PLCL1: variants seen among roughly 807,000 people sequenced by gnomAD.
PLCL1 encodes the protein inactive phospholipase C-like protein 1.
In PLCL1, 41 loss-of-function variants were observed where a neutral mutation model predicts 84.4. The observed-to-expected ratio is 0.49, with a 90% CI of 0.38 to 0.63. The LOEUF (loss-of-function observed/expected upper bound fraction) is 0.63, where lower values mean the gene tolerates loss of function less well. Among genes scored for constraint, PLCL1 ranks in the 30% least tolerant of loss-of-function variants. The probability of loss-of-function intolerance (pLI) is 0.00; values close to 1 mark genes in which losing one functional copy is unlikely to be tolerated. For synonymous variants in PLCL1, 490 were observed against 488.3 expected, an observed-to-expected ratio of 1.00 and a Z score of -0.05; for missense variants, 1,206 against 1,367.8, an observed-to-expected ratio of 0.88 and a Z score of 1.87.
At chr2:197,850,674 ATTG>A (rs747959744) in intron 1 of PLCL1, among the ~76,000 whole-genome samples, 8 of 152,066 alleles carry the variant, frequency 5.3e-5, no homozygotes, top group Non-Finnish European at 1.2e-4. Flanking sequence ...GACAGGTTAT[ATTG>A]TCTGTACAAC....
At chr2:198,008,563 A>G (rs1383444627) in intron 1 of PLCL1, among the ~76,000 whole-genome samples, 1 of 151,402 alleles carries the variant, frequency 6.6e-6, no homozygotes, top group Non-Finnish European at 1.5e-5. Flanking sequence ...GCTGCATAAT[A>G]TCCCATTGTA....
rs1363290242 is a variant in PLCL1, at chr2:197,964,321, G to A, written c.241-119437G>A. On this transcript the variant is annotated intron_variant, in intron 1 of 5. Coordinates refer to ENST00000428675, the MANE Select transcript of PLCL1 (RefSeq NM_006226.4). ...ATTGTAGAGATCTTTCAGTTTTTTG[G>A]TTAATTCCTGGGTATTTTATTTTAT... Among the ~76,000 whole-genome samples, 6 of 151,782 alleles carry A rather than the reference G, an allele frequency of 4.0e-5. No individual in the cohort carries two copies. The East Asian group carries it at 1.2e-3, about 29-fold the overall frequency.
chr2:198,051,455 A>G (rs1177418362), intron 1 of PLCL1, among the ~76,000 whole-genome samples: 1 of 152,194 alleles, frequency 6.6e-6, no homozygotes, highest in East Asian at 1.9e-4. Context: ...GTATTAGAAG[A>G]AAATTAGACA....
intron 5 of PLCL1, among the ~76,000 whole-genome samples, chr2:198,120,206 G>A (rs1298834103): frequency 1.3e-5 from 2 of 151,870 alleles, no homozygotes; most frequent in Non-Finnish European, 2.9e-5. Flanking sequence ...GGGTACATAG[G>A]TGTATATATT....
chr2:198,058,983 G>A (rs1559089161), intron 1 of PLCL1, among the ~76,000 whole-genome samples: 1 of 152,162 alleles, frequency 6.6e-6, no homozygotes, highest in South Asian at 2.1e-4. Context: ...ACATCTTACT[G>A]TGGGTGTCAT....
intron 1 of PLCL1, among the ~76,000 whole-genome samples, chr2:198,079,426 A>G (rs1330610521): frequency 6.6e-6 from 1 of 152,014 alleles, no homozygotes; most frequent in African/African-American, 2.4e-5. Context: ...TTAAAAAGAC[A>G]TTTGGCCATT....
chr2:198,081,976 A>G (rs774487156), intron 1 of PLCL1, among the ~76,000 whole-genome samples: 4 of 152,144 alleles, frequency 2.6e-5, no homozygotes, highest in Non-Finnish European at 5.9e-5. Context: ...AAATATTTTC[A>G]ATTTATCACC....
Position 198,084,162 on chromosome 2 carries a change from G to A in PLCL1, c.645G>A (p.Val215=), listed in dbSNP as rs779605934. The change falls in exon 2 of 6, where the codon GTG becomes GTA. Residue 215 remains valine (V), a synonymous_variant. Transcript: ENST00000428675. ...ANSADVANIW[V]SGLRYLVSRS... is the part of the protein sequence containing the mutation. The stretch of plus-strand genomic sequence containing the variant: ...CAGCAGATGTGGCAAACATCTGGGT[G>A]TCTGGGTTACGGTACCTGGTTTCTC... The A allele has an allele frequency of 1.9e-6, 3 of 1,614,160 alleles. No homozygotes were observed. Among genetic ancestry groups the A allele is most frequent in the Non-Finnish European group, 2.5e-6 (3 of 1,180,010 alleles).
chr2:197,968,902 A>G (rs1438570695), intron 1 of PLCL1, among the ~76,000 whole-genome samples: 1 of 152,168 alleles, frequency 6.6e-6, no homozygotes, highest in Non-Finnish European at 1.5e-5. Flanking sequence ...AGTTAAGAGT[A>G]ATTCATTTAA....
At chr2:197,966,056 T>C (rs1689726192) in intron 1 of PLCL1, among the ~76,000 whole-genome samples, 1 of 151,990 alleles carries the variant, frequency 6.6e-6, no homozygotes, top group Non-Finnish European at 1.5e-5. Flanking sequence ...TCAGGGTGTG[T>C]CTAGAAATGT....
At chr2:197,951,238 G>A (rs1467253725) in intron 1 of PLCL1, among the ~76,000 whole-genome samples, 1 of 152,080 alleles carries the variant, frequency 6.6e-6, no homozygotes, top group African/African-American at 2.4e-5. Context: ...ACCTATAATG[G>A]TCTGCTATTG....
At chr2:198,021,775 A>G (rs919969126) in intron 1 of PLCL1, among the ~76,000 whole-genome samples, 1 of 152,140 alleles carries the variant, frequency 6.6e-6, no homozygotes, top group Non-Finnish European at 1.5e-5. Context: ...CAAAAAAAAG[A>G]CCAGGACCAG....
chr2:197,844,284 C>T (rs1687074396), intron 1 of PLCL1, among the ~76,000 whole-genome samples: 1 of 152,098 alleles, frequency 6.6e-6, no homozygotes, highest in Non-Finnish European at 1.5e-5. Context: ...GTTGCTGCCT[C>T]ATCCTAAAGG....
intron 1 of PLCL1, among the ~76,000 whole-genome samples, chr2:197,978,409 A>G (rs574654302): frequency 2.3e-4 from 35 of 152,294 alleles, no homozygotes; most frequent in Non-Finnish European, 4.7e-4. Context: ...CCCGGGAGGC[A>G]GAGCTTGCAA....
At chr2:197,975,783 C>T (rs1247670111) in intron 1 of PLCL1, among the ~76,000 whole-genome samples, 1 of 152,096 alleles carries the variant, frequency 6.6e-6, no homozygotes, top group Non-Finnish European at 1.5e-5. Flanking sequence ...TCCAGCCTGG[C>T]AGCCTGGGTA....
At chr2:197,909,376 T>C (rs563875498) in intron 1 of PLCL1, among the ~76,000 whole-genome samples, 2 of 152,014 alleles carry the variant, frequency 1.3e-5, no homozygotes, top group African/African-American at 4.8e-5. Flanking sequence ...GCACTAAAAA[T>C]TCGTGCCTGG....
At chr2:198,051,932 C>A (rs113188319) in intron 1 of PLCL1, among the ~76,000 whole-genome samples, 1 of 149,740 alleles carries the variant, frequency 6.7e-6, no homozygotes, top group Non-Finnish European at 1.5e-5. Context: ...TTTTTGAGAC[C>A]GAGTTTCACT....
intron 1 of PLCL1, among the ~76,000 whole-genome samples, chr2:198,006,569 G>C (rs1252367730): frequency 6.6e-6 from 1 of 152,112 alleles, no homozygotes; most frequent in Non-Finnish European, 1.5e-5. Flanking sequence ...TTTATTCGCA[G>C]TTTATTTTTG....
At chr2:197,821,919 CA>C (rs562695893) in intron 1 of PLCL1, among the ~76,000 whole-genome samples, 3 of 152,102 alleles carry the variant, frequency 2.0e-5, no homozygotes, top group Non-Finnish European at 4.4e-5. Context: ...AGGAGGGAAT[CA>C]GACATTATTC....
Sources: gnomAD v4.1 joint callset for allele counts (sites outside exome capture counted in the v4.1 genomes callset) on GRCh38, gnomAD v4.1.1 for gene constraint, MANE v1.5 for transcripts, NCBI Gene and HGNC (gene_info 2026-07-23, HGNC 2026-07-21) for gene names.